Variants in DOCK7 observed in about 807,000 individuals in gnomAD.
DOCK7 encodes the protein dedicator of cytokinesis 7.
A neutral mutation model predicts 271.0 loss-of-function variants in DOCK7; 138 were observed. The observed-to-expected ratio is 0.51, with a 90% CI of 0.44 to 0.59. The LOEUF is 0.59. Among genes scored for constraint, DOCK7 ranks in the 20% least tolerant of loss-of-function variants. DOCK7 has a pLI of 0.00. For synonymous variants in DOCK7, 823 were observed against 876.1 expected (o/e 0.94, Z 1.07); for missense variants, 2,066 against 2,592.4 (o/e 0.80, Z 4.41).
rs1287014399 is a variant in DOCK7 at position 62,591,658 on chromosome 1, C to G, written c.1683-5034G>C. Among the ~76,000 whole-genome samples, 3 of 152,244 alleles carry G rather than the reference C, an allele frequency of 2.0e-5. No individual in the cohort carries two copies. In the East Asian group the frequency reaches 5.8e-4, roughly 29 times the overall value. On this transcript the variant is annotated intron_variant, in intron 14 of 49. Coordinates refer to ENST00000635253, the MANE Select transcript of DOCK7 (RefSeq NM_001367561.1). ...CCATGCATGCTTCCCTCTACCACCCCCCACTCCCAAATCTCCACATTTGGA... is the reference window on the plus strand; with the variant it reads ...CCATGCATGCTTCCCTCTACCACCCGCCACTCCCAAATCTCCACATTTGGA...
chr1:62,577,408 A>G, intron 17 of DOCK7, 45 bp from the exon 18 acceptor site: 2 of 1,445,620 alleles, frequency 1.4e-6, no homozygotes, highest in Non-Finnish European at 9.5e-7. Flanking sequence ...TATGCTTGCT[A>G]TAAAAATAAT....
At chr1:62,659,600 G>C (rs889699249) in intron 2 of DOCK7, among the ~76,000 whole-genome samples, 3 of 152,150 alleles carry the variant, frequency 2.0e-5, no homozygotes, top group African/African-American at 7.2e-5. Flanking sequence ...AATGTAAACA[G>C]TAAGAGATTA....
At chr1:62,481,958 T>C (rs1011932276) in intron 43 of DOCK7, 5 of 152,222 alleles carry the variant, frequency 3.3e-5, no homozygotes, top group African/African-American at 4.8e-5. Context: ...TTTCACACAA[T>C]GGTGATCTTT....
In DOCK7 at chr1:62,633,117, A is replaced by T. The variant is rs190980863; in HGVS notation, c.1116+381T>A. Among the ~76,000 whole-genome samples the T allele has an allele frequency of 7.2e-5, 11 of 152,318 alleles. No homozygotes were observed. In the East Asian group the frequency reaches 2.1e-3, roughly 29 times the overall value. ...AAGACAAGAATACTTCTATTTTGCT[A>T]GGAAAAGTTCTGTCAATATCACTAT... On this transcript the variant is annotated intron_variant, in intron 10 of 49. Transcript: ENST00000635253.
chr1:62,651,161 T>C (rs1297280111), intron 4 of DOCK7, among the ~76,000 whole-genome samples: 2 of 151,722 alleles, frequency 1.3e-5, no homozygotes, highest in Admixed American at 6.6e-5. Flanking sequence ...TGGATGAAGC[T>C]GGAAACCATC....
Position 62,578,942 on chromosome 1 carries a change from G to T in DOCK7, c.1896C>A (p.Ile632=). ...HNRSPDFHEE[I]KVKLPATLTD... is the part of the protein sequence containing the mutation. ...TTAAAGTAGCAGGAAGCTTAACCTT[G>T]ATTTCTTCATGAAAATCAGGAGACC... The change falls in exon 17 of 50, where the codon ATC becomes ATA. Residue 632 remains isoleucine, a synonymous_variant. Coordinates refer to ENST00000635253, the MANE Select transcript of DOCK7 (RefSeq NM_001367561.1). 1 of 1,565,162 alleles carries T rather than the reference G, an allele frequency of 6.4e-7. No individual in the cohort carries two copies. Among genetic ancestry groups the T allele is most frequent in the South Asian group, 1.2e-5 (1 of 82,090 alleles).
chr1:62,551,511 A>T (rs1018292333), intron 22 of DOCK7, among the ~76,000 whole-genome samples: 1 of 152,194 alleles, frequency 6.6e-6, no homozygotes, highest in Non-Finnish European at 1.5e-5. Flanking sequence ...GGTGGAGTGG[A>T]AAACAAGATC....
rs1438393736 is a variant in DOCK7 at position 62,559,371 on chromosome 1, C to T, written c.2200-151G>A. 1.2e-4 allele frequency: 66 copies of T among 547,804 alleles called. No homozygotes were observed. In the East Asian group the frequency reaches 1.8e-3, roughly 15 times the overall value. The allele number at this position is 547,804 out of a possible 1,614,324, so 33.9% of individuals were successfully genotyped here. A position where few individuals can be genotyped will look rare whatever the true frequency, so the allele number is the denominator to read the frequency against. ...AAACATTGTTTCCAATTAAACAAAT[C>T]TATTTTCATTTATCATTATAAAATG... On this transcript the variant is annotated intron_variant, in intron 19 of 49. Coordinates refer to ENST00000635253, the MANE Select transcript of DOCK7 (RefSeq NM_001367561.1).
chr1:62,573,312 C>G (rs1287537378), intron 18 of DOCK7, among the ~76,000 whole-genome samples: 1 of 152,158 alleles, frequency 6.6e-6, no homozygotes, highest in Non-Finnish European at 1.5e-5. Context: ...GACGATGATG[C>G]TGGAGAAGTG....
chr1:62,455,346 A>C lies in DOCK7; in HGVS notation c.*68T>G. ...GAATTCCATTCCATGTTGTTTTCCAATAGATCTTTTCACACTCGATGTTGA... is the reference window on the plus strand; with the variant it reads ...GAATTCCATTCCATGTTGTTTTCCACTAGATCTTTTCACACTCGATGTTGA... On this transcript the variant is annotated 3_prime_UTR_variant, in exon 50 of 50. Coordinates refer to ENST00000635253, the MANE Select transcript of DOCK7 (RefSeq NM_001367561.1). The C allele has an allele frequency of 6.6e-7, 1 of 1,526,130 alleles. No homozygotes were observed. Among genetic ancestry groups the C allele is most frequent in the Non-Finnish European group, 9.1e-7 (1 of 1,102,364 alleles). 94.5% of individuals were successfully genotyped at this position (1,526,130 alleles called of 1,614,324 possible).
At chr1:62,580,141 A>G (rs952292937) in intron 16 of DOCK7, among the ~76,000 whole-genome samples, 1 of 152,208 alleles carries the variant, frequency 6.6e-6, no homozygotes, top group Non-Finnish European at 1.5e-5. Flanking sequence ...CTGTCCCACC[A>G]ATCAGGTTTT....
chr1:62,666,728 T>G (rs190843097), intron 1 of DOCK7, among the ~76,000 whole-genome samples: 1 of 152,256 alleles, frequency 6.6e-6, no homozygotes, highest in Non-Finnish European at 1.5e-5. Context: ...TTTTTCTTAC[T>G]CCTAGTGATA....
At chr1:62,522,320 C>T (rs1644875036) in intron 31 of DOCK7, among the ~76,000 whole-genome samples, 1 of 151,944 alleles carries the variant, frequency 6.6e-6, no homozygotes, top group African/African-American at 2.4e-5. Flanking sequence ...TATTAGCAAA[C>T]GAAATCCATT....
chr1:62,576,397 G>A (rs533660852), intron 18 of DOCK7, among the ~76,000 whole-genome samples: 2 of 152,204 alleles, frequency 1.3e-5, no homozygotes, highest in African/African-American at 4.8e-5. Context: ...CAAAGGGCCT[G>A]AAATGCAAAT....
intron 15 of DOCK7, 43 bp from the exon 16 acceptor site, chr1:62,583,297 G>T: frequency 6.6e-7 from 1 of 1,519,300 alleles, no homozygotes; most frequent in Non-Finnish European, 9.1e-7. Flanking sequence ...TGTAGTAAAT[G>T]CTGGATGTTT....
chr1:62,513,462 T>A lies in DOCK7; in HGVS notation c.4264A>T (p.Thr1422Ser). The A allele has an allele frequency of 6.2e-7, 1 of 1,607,082 alleles. No homozygotes were observed. The highest frequency in any genetic ancestry group is 8.5e-7 in the Non-Finnish European group (1 of 1,178,244). The part of the protein sequence containing the change: ...RRSRGQLGTY[T>S]IASPPERSPS... The stretch of plus-strand genomic sequence containing the variant: ...TTCTCACCAGGAGGAGAAGCTATTG[T>A]GTACGTACCGAGCTGTCCTCGGCTT... The change falls in exon 33 of 50, where the codon ACA becomes TCA. Residue 1422 changes from threonine (T) to serine (S), a missense_variant. This residue lies in a region of DOCK7 where 652 missense variants were observed against 922.1 expected (regional missense o/e 0.71). Coordinates refer to ENST00000635253, the MANE Select transcript of DOCK7 (RefSeq NM_001367561.1).
intron 1 of DOCK7, among the ~76,000 whole-genome samples, chr1:62,683,010 T>C (rs1661342316): frequency 1.3e-5 from 2 of 152,178 alleles, no homozygotes; most frequent in African/African-American, 2.4e-5. Flanking sequence ...GAGAGAGTAG[T>C]ATGCTAAGGT....
At chr1:62,505,653 GACAA>G in intron 36 of DOCK7, 25 bp downstream of exon 36, 1 of 1,583,050 alleles carries the variant, frequency 6.3e-7, no homozygotes, top group Non-Finnish European at 8.6e-7. Flanking sequence ...AACAAAGTCT[GACAA>G]CACTGCAGGT....
intron 48 of DOCK7, among the ~76,000 whole-genome samples, chr1:62,467,358 G>C (rs1206226718): frequency 6.6e-6 from 1 of 152,202 alleles, no homozygotes; most frequent in African/African-American, 2.4e-5. Context: ...CTATACCACA[G>C]GAATTAACAG....
Sources: allele counts gnomAD v4.1 joint callset (sites outside exome capture counted in the v4.1 genomes callset), GRCh38; gene constraint gnomAD v4.1.1; regional missense constraint gnomAD v4.1.1; transcripts MANE v1.5; gene names NCBI Gene and HGNC (gene_info 2026-07-23, HGNC 2026-07-21).